Variants in SVIL observed in about 807,000 individuals in gnomAD.
The protein encoded by SVIL is supervillin.
SVIL carries 101 observed loss-of-function variants against 240.4 expected under a neutral mutation model. The observed-to-expected ratio is 0.42, with a 90% CI of 0.36 to 0.50. The LOEUF (loss-of-function observed/expected upper bound fraction) is 0.50, where lower values mean the gene tolerates loss of function less well. Among genes scored for constraint, SVIL ranks in the 20% least tolerant of loss-of-function variants. SVIL has a pLI of 0.01. For missense variants in SVIL, 2,512 were observed against 2,818.7 expected (o/e 0.89, Z 2.46); for synonymous variants, 999 against 1,100.0 (o/e 0.91, Z 1.82).
chr10:29,480,692 C>A lies in SVIL; in HGVS notation c.5222G>T (p.Gly1741Val). ...GATCTCAAACTGCCTCCTGTCGTGT[C>A]CTTCCACCAGGCCATAGCCACGGCC... Reference protein sequence around the residue: ...NVGRGYGLVEGHDRRQFEITS... With the variant: ...NVGRGYGLVEVHDRRQFEITS... Residue 1741 changes from glycine (G) to valine (V), a missense_variant, in exon 29 of 38, where the codon GGA becomes GTA. This residue lies in a region of SVIL where 797 missense variants were observed against 925.3 expected (regional missense o/e 0.86). Coordinates refer to ENST00000355867, the MANE Select transcript of SVIL (RefSeq NM_021738.3). 1 of 1,614,178 alleles carries A rather than the reference C, an allele frequency of 6.2e-7. No homozygotes were observed. Among genetic ancestry groups the A allele is most frequent in the Non-Finnish European group, 8.5e-7 (1 of 1,180,026 alleles).
chr10:29,671,108 G>C (rs1959740021), intron 2 of SVIL: 1 of 152,144 alleles, frequency 6.6e-6, no homozygotes, highest in Non-Finnish European at 1.5e-5. Context: ...TCCTCTGTTG[G>C]AGAGAAAATG....
chr10:29,487,112 G>A (rs769092682), intron 24 of SVIL, 51 bp downstream of exon 24: 3 of 1,595,828 alleles, frequency 1.9e-6, no homozygotes, highest in East Asian at 2.2e-5. Flanking sequence ...ACACTCCTCC[G>A]GTGCGTAAAG....
chr10:29,563,971 T>A (rs1954742927), intron 2 of SVIL, among the ~76,000 whole-genome samples: 1 of 151,946 alleles, frequency 6.6e-6, no homozygotes, highest in Non-Finnish European at 1.5e-5. Context: ...AGGTATCTCC[T>A]TAATTATCTC....
chr10:29,629,273 G>A (rs1957993056), intron 1 of SVIL, among the ~76,000 whole-genome samples: 1 of 152,120 alleles, frequency 6.6e-6, no homozygotes, highest in African/African-American at 2.4e-5. Context: ...GAACAGAGGA[G>A]CCTTGAAAGA....
intron 1 of SVIL, among the ~76,000 whole-genome samples, chr10:29,607,765 G>A (rs1365606297): frequency 6.6e-6 from 1 of 152,224 alleles, no homozygotes. Flanking sequence ...ACATCCCTGA[G>A]TCAGAGATGG....
chr10:29,570,049 C>G (rs1329589365), intron 1 of SVIL, among the ~76,000 whole-genome samples: 4 of 152,228 alleles, frequency 2.6e-5, no homozygotes, highest in Non-Finnish European at 5.9e-5. Flanking sequence ...GAAACTTCTT[C>G]CCCTAAGGAA....
Position 29,532,117 on chromosome 10 carries a change from G to T in SVIL, c.1894C>A (p.Arg632=), listed in dbSNP as rs201516624. ...CTTGGTTTCCGGGACCCTCTCTCCC[G>T]TTCCACACCGGTGGGCAAGCCAGGT... ...EGPGLPTGVE[R]ERGSRKPRRY... The change falls in exon 9 of 38, where the codon CGG becomes AGG. Residue 632 remains arginine, a synonymous_variant. Transcript: ENST00000355867. The T allele has an allele frequency of 4.3e-6, 7 of 1,613,970 alleles. No individual in the cohort carries two copies. In the East Asian group the frequency reaches 1.3e-4, roughly 31 times the overall value.
Position 29,540,235 on chromosome 10 carries a change from C to T in SVIL, c.828-4166G>A, listed in dbSNP as rs527514689. Reference sequence around the variant, plus strand: ...CTTGCGGTGGTTCTAAGGCCCTCCCCGATCTGTGGTCTCACTAACATCATC... The same window carrying T: ...CTTGCGGTGGTTCTAAGGCCCTCCCTGATCTGTGGTCTCACTAACATCATC... On this transcript the variant is annotated intron_variant, in intron 6 of 37. Coordinates refer to ENST00000355867, the MANE Select transcript of SVIL (RefSeq NM_021738.3). Among the ~76,000 whole-genome samples, 19 of 152,248 alleles carry T rather than the reference C, an allele frequency of 1.2e-4. No homozygotes were observed. The South Asian group carries it at 1.9e-3, about 15-fold the overall frequency.
intron 3 of SVIL, among the ~76,000 whole-genome samples, chr10:29,643,811 C>A (rs554541194): frequency 2.0e-5 from 3 of 152,154 alleles, no homozygotes; most frequent in Non-Finnish European, 4.4e-5. Flanking sequence ...AGCCAGCCAA[C>A]TTTTCTCTCC....
At chr10:29,477,099 G>A (rs1351043835) in intron 29 of SVIL, among the ~76,000 whole-genome samples, 2 of 152,084 alleles carry the variant, frequency 1.3e-5, no homozygotes, top group East Asian at 1.9e-4. Flanking sequence ...TCCTGACCTC[G>A]TGATTTGCCT....
At chr10:29,570,396 T>A (rs1955335381) in intron 1 of SVIL, among the ~76,000 whole-genome samples, 2 of 152,234 alleles carry the variant, frequency 1.3e-5, no homozygotes, top group African/African-American at 4.8e-5. Context: ...GCAGTTCTGA[T>A]GTATAATGGC....
chr10:29,491,404 G>C (rs1270721559), intron 21 of SVIL, among the ~76,000 whole-genome samples: 3 of 152,106 alleles, frequency 2.0e-5, no homozygotes, highest in Non-Finnish European at 2.9e-5. Context: ...ATGTCTACTT[G>C]TCTGTTTCCG....
chr10:29,717,980 G>A (rs1963730882), intron 1 of SVIL, among the ~76,000 whole-genome samples: 1 of 152,046 alleles, frequency 6.6e-6, no homozygotes, highest in African/African-American at 2.4e-5. Flanking sequence ...ATTACATGTT[G>A]AAATAACATT....
At chr10:29,713,688 A>G (rs1963439567) in intron 1 of SVIL, among the ~76,000 whole-genome samples, 1 of 152,212 alleles carries the variant, frequency 6.6e-6, no homozygotes, top group Non-Finnish European at 1.5e-5. Context: ...CTTTATTTAC[A>G]CAACAGGTGG....
intron 6 of SVIL, among the ~76,000 whole-genome samples, chr10:29,547,883 G>A (rs1952839793): frequency 6.6e-6 from 1 of 152,092 alleles, no homozygotes; most frequent in African/African-American, 2.4e-5. Flanking sequence ...GAGTCTGTTA[G>A]GTTCTTCATC....
Position 29,515,727 on chromosome 10 carries a change from A to G in SVIL, c.3390-2866T>C, listed in dbSNP as rs147448974. ...TCATCTTCCTGAGTTGAGTTCATTA[A>G]AAGTCATGAGCTCTGGTCTTTGAAG... On this transcript the variant is annotated intron_variant, in intron 16 of 37. Transcript: ENST00000355867. 4.4e-3 allele frequency among the ~76,000 whole-genome samples: 674 copies of G among 152,312 alleles called. 4 individuals are homozygous for G. The highest frequency in any genetic ancestry group is 0.016 in the African/African-American group (650 of 41,564).
chr10:29,653,370 A>G (rs1236880591), intron 3 of SVIL, among the ~76,000 whole-genome samples: 2 of 152,044 alleles, frequency 1.3e-5, no homozygotes, highest in African/African-American at 4.8e-5. Flanking sequence ...ACCTTCTGCC[A>G]TGATTGTAAG....
intron 6 of SVIL, among the ~76,000 whole-genome samples, chr10:29,549,553 C>T (rs1049053149): frequency 7.5e-5 from 11 of 146,452 alleles, no homozygotes; most frequent in Non-Finnish European, 1.7e-4. Context: ...AATCATTCTG[C>T]TATAAAGACA....
At chr10:29,590,286 A>G (rs1384015121) in intron 1 of SVIL, among the ~76,000 whole-genome samples, 1 of 151,852 alleles carries the variant, frequency 6.6e-6, no homozygotes, top group African/African-American at 2.4e-5. Context: ...TGGCTCCCCA[A>G]TTAAGTAAGG....
Sources: allele counts gnomAD v4.1 joint callset (sites outside exome capture counted in the v4.1 genomes callset), GRCh38; gene constraint gnomAD v4.1.1; regional missense constraint gnomAD v4.1.1; transcripts MANE v1.5; gene names NCBI Gene and HGNC (gene_info 2026-07-23, HGNC 2026-07-21).